TENM1: variants seen among roughly 807,000 people sequenced by gnomAD.
TENM1 encodes teneurin transmembrane protein 1.
TENM1 carries 35 observed loss-of-function variants against 174.8 expected under a neutral mutation model. The observed-to-expected ratio is 0.20, with a 90% confidence interval of 0.15 to 0.27. The LOEUF is 0.27. Ranked by LOEUF, TENM1 falls within the 10% of genes least tolerant of loss-of-function variation. The pLI is 1.00. For synonymous variants in TENM1, 781 were observed against 798.7 expected, an observed-to-expected ratio of 0.98 and a Z score of 0.37; for missense variants, 1,633 against 2,130.1, an observed-to-expected ratio of 0.77 and a Z score of 4.59.
At chrX:124,558,588 A>T (rs2048744294) in intron 14 of TENM1, among the ~76,000 whole-genome samples, 1 of 111,565 alleles carries the variant, frequency 9.0e-6, no homozygotes, top group Admixed American at 9.6e-5. Flanking sequence ...GAAACCAGCC[A>T]TTATGGATAG....
chrX:124,588,643 G>A (rs1248248749), intron 11 of TENM1, among the ~76,000 whole-genome samples: 2 of 110,232 alleles, frequency 1.8e-5, no homozygotes, highest in Non-Finnish European at 3.8e-5. Context: ...GTATACATAT[G>A]TAACTAACCT....
At chrX:124,946,175 G>A (rs1277443128) in intron 1 of TENM1, among the ~76,000 whole-genome samples, 1 of 111,602 alleles carries the variant, frequency 9.0e-6, no homozygotes, top group East Asian at 2.8e-4. Flanking sequence ...CGTGTTGTTA[G>A]TGTATATCTG....
At chrX:124,630,918 T>A (rs1429783445) in intron 11 of TENM1, among the ~76,000 whole-genome samples, 2 of 112,088 alleles carry the variant, frequency 1.8e-5, no homozygotes, top group East Asian at 5.6e-4. Flanking sequence ...TTATTTGGCC[T>A]AAAGAATTGC....
At chrX:125,044,548 T>A in the TENM1 span, among the ~76,000 whole-genome samples, 2 of 110,974 alleles carry the variant, frequency 1.8e-5, no homozygotes, top group African/African-American at 6.6e-5. Context: ...TACGATCACA[T>A]CACTGCACTC....
intron 3 of TENM1, among the ~76,000 whole-genome samples, chrX:124,870,236 A>G (rs1042445077): frequency 8.9e-6 from 1 of 112,134 alleles, no homozygotes; most frequent in African/African-American, 3.2e-5. Flanking sequence ...TTCTATATTC[A>G]TTCTTTCAAA....
At chrX:125,175,682 G>A in the TENM1 span, among the ~76,000 whole-genome samples, 6 of 110,439 alleles carry the variant, frequency 5.4e-5, no homozygotes, top group East Asian at 5.7e-4. Context: ...CAAGAAGTCT[G>A]GAACAATACT....
At chrX:125,054,351 T>C in the TENM1 span, among the ~76,000 whole-genome samples, 4 of 110,384 alleles carry the variant, frequency 3.6e-5, no homozygotes, top group Non-Finnish European at 7.6e-5. Flanking sequence ...TCTGCAGAAC[T>C]GTGAGCTAAT....
chrX:124,637,182 C>T (rs748080383), intron 11 of TENM1, among the ~76,000 whole-genome samples: 194 of 109,240 alleles, frequency 1.8e-3, no homozygotes, highest in African/African-American at 6.0e-3. Flanking sequence ...CTCCGCCTCC[C>T]GGGTTCAAGT....
Position 124,530,004 on chromosome X carries a change from C to T in TENM1, c.2652-21G>A, listed in dbSNP as rs745414497. ...CACGCCTGCAACACAAGACCAAAGG[C>T]AAACAGAAAAGCATGTTGAGACTAG... On this transcript the variant is annotated intron_variant, in intron 15 of 31. Transcript: ENST00000422452. The T allele has an allele frequency of 2.5e-6, 3 of 1,200,026 alleles. No homozygotes were observed. The Admixed American group carries it at 6.9e-5, about 28-fold the overall frequency.
intron 14 of TENM1, among the ~76,000 whole-genome samples, chrX:124,558,508 C>T (rs979965404): frequency 1.8e-5 from 2 of 111,237 alleles, no homozygotes; most frequent in Non-Finnish European, 3.8e-5. Flanking sequence ...CACATATACA[C>T]ACATGCACAA....
intron 11 of TENM1, among the ~76,000 whole-genome samples, chrX:124,589,924 C>G (rs971079655): frequency 1.8e-5 from 2 of 110,881 alleles, no homozygotes; most frequent in Non-Finnish European, 3.8e-5. Flanking sequence ...CAGTTCTGCT[C>G]TGGTTTTAGT....
the TENM1 span, among the ~76,000 whole-genome samples, chrX:125,159,636 T>C: frequency 1.8e-5 from 2 of 112,493 alleles, no homozygotes; most frequent in African/African-American, 3.2e-5. Flanking sequence ...TCAAATAATG[T>C]ATCAAATGTA....
chrX:124,703,466 T>C (rs1025130896), intron 5 of TENM1, among the ~76,000 whole-genome samples: 2 of 111,815 alleles, frequency 1.8e-5, no homozygotes, highest in Non-Finnish European at 3.8e-5. Context: ...AAATTAGTAT[T>C]AAACATGGTA....
chrX:124,816,840 A>C (rs2055906541), intron 3 of TENM1, among the ~76,000 whole-genome samples: 1 of 110,589 alleles, frequency 9.0e-6, no homozygotes, highest in African/African-American at 3.3e-5. Context: ...ATTATTTTTA[A>C]TAATAGCTTA....
In TENM1 at chrX:124,886,544, T is replaced by TAG. The variant is rs1460561539; in HGVS notation, c.535+7751_535+7752insCT. On this transcript the variant is annotated intron_variant, in intron 3 of 31. Coordinates refer to ENST00000422452, the Ensembl canonical transcript of TENM1. Reference sequence around the variant, plus strand: ...ATACATATATATATATATATATATATATATAGAGAGAGAGAGAGAGAGAGA... The same window carrying TAG: ...ATACATATATATATATATATATATATAGATATAGAGAGAGAGAGAGAGAGAGA... Among the ~76,000 whole-genome samples the TAG allele has an allele frequency of 7.1e-3, 597 of 84,328 alleles. 1 individual carries two copies. The highest frequency in any genetic ancestry group is 0.017 in the East Asian group (45 of 2,625). 73.2% of individuals were successfully genotyped at this position (84,328 alleles called of 115,157 possible).
intron 15 of TENM1, among the ~76,000 whole-genome samples, chrX:124,540,148 C>T (rs951815649): frequency 8.9e-6 from 1 of 111,999 alleles, no homozygotes; most frequent in African/African-American, 3.2e-5. Context: ...ACTGCTTCTG[C>T]CACTACAATG....
chrX:125,130,118 T>C, the TENM1 span, among the ~76,000 whole-genome samples: 1 of 111,526 alleles, frequency 9.0e-6, no homozygotes, highest in African/African-American at 3.2e-5. Context: ...GAAATTACTA[T>C]CTTGTGTTTA....
chrX:124,991,440 TTTGTGAGTGTGA>T, the TENM1 span, among the ~76,000 whole-genome samples: 1 of 109,557 alleles, frequency 9.1e-6, no homozygotes, highest in Non-Finnish European at 1.9e-5. Context: ...GATCCATGTA[TTTGTGAGTGTGA>T]GTGGGATGTG....
chrX:124,647,192 C>T lies in TENM1; in HGVS notation c.1580-382G>A, dbSNP rs142825690. Among the ~76,000 whole-genome samples the T allele has an allele frequency of 6.9e-3, 770 of 111,827 alleles. 6 individuals are homozygous for T. The highest frequency in any genetic ancestry group is 0.023 in the African/African-American group (723 of 30,847). ...TAAAATGTAACACAGATGACTAAGT[C>T]TACTGTTTATTTTTCAAATTTAGGT... On this transcript the variant is annotated intron_variant, in intron 8 of 31. Coordinates refer to ENST00000422452, the Ensembl canonical transcript of TENM1.
Sources: allele counts gnomAD v4.1 joint callset (sites outside exome capture counted in the v4.1 genomes callset), GRCh38; gene constraint gnomAD v4.1.1; transcripts MANE v1.5; gene names NCBI Gene and HGNC (gene_info 2026-07-23, HGNC 2026-07-21).